The following ARHGAP22 variants were observed in gnomAD, a reference collection of about 807,000 sequenced individuals.
ARHGAP22 encodes rho GTPase-activating protein 22.
ARHGAP22 carries 48 observed loss-of-function variants against 59.1 expected under a neutral mutation model. That is an observed-to-expected ratio of 0.81 (90% CI 0.64 to 1.03). The LOEUF (loss-of-function observed/expected upper bound fraction) is 1.03, where lower values mean the gene tolerates loss of function less well. ARHGAP22 is among the 50% of genes least tolerant of loss of function. The probability of loss-of-function intolerance (pLI) is 0.00; values close to 1 mark genes in which losing one functional copy is unlikely to be tolerated. For missense variants in ARHGAP22, 1,015 were observed against 958.7 expected, an observed-to-expected ratio of 1.06 and a Z score of -0.78; for synonymous variants, 445 against 416.4, an observed-to-expected ratio of 1.07 and a Z score of -0.84.
intron 3 of ARHGAP22, among the ~76,000 whole-genome samples, chr10:48,498,433 G>A (rs756277242): frequency 3.3e-5 from 5 of 152,082 alleles, no homozygotes; most frequent in Admixed American, 6.5e-5. Context: ...CCCAAGCCAG[G>A]AGCCAGTGAA....
chr10:48,474,994 C>G (rs2048577290), intron 4 of ARHGAP22, among the ~76,000 whole-genome samples: 1 of 151,954 alleles, frequency 6.6e-6, no homozygotes. Flanking sequence ...TCCTCTTTAC[C>G]TCACCTCCTC....
At chr10:48,545,772 A>T (rs573117121) in intron 3 of ARHGAP22, among the ~76,000 whole-genome samples, 7 of 152,362 alleles carry the variant, frequency 4.6e-5, no homozygotes, top group African/African-American at 1.7e-4. Flanking sequence ...GGATAAGGCC[A>T]GGCAGCTACA....
chr10:48,513,221 C>A (rs1363469522), intron 3 of ARHGAP22, among the ~76,000 whole-genome samples: 2 of 152,168 alleles, frequency 1.3e-5, no homozygotes, highest in Admixed American at 1.3e-4. Context: ...CCAATTGGGG[C>A]AAACAAGAGC....
At chr10:48,576,838 TTGTC>T (rs2058740559) in intron 2 of ARHGAP22, among the ~76,000 whole-genome samples, 2 of 152,318 alleles carry the variant, frequency 1.3e-5, no homozygotes, top group South Asian at 2.1e-4. Context: ...ATTTTAGTCA[TTGTC>T]TGTGGAATTC....
chr10:48,554,346 A>AGG (rs2057136301), intron 3 of ARHGAP22, among the ~76,000 whole-genome samples: 1 of 152,156 alleles, frequency 6.6e-6, no homozygotes, highest in Non-Finnish European at 1.5e-5. Context: ...GACAGCCAAT[A>AGG]GATCATTTCT....
At chr10:48,596,855 C>A (rs1234295360) in intron 1 of ARHGAP22, among the ~76,000 whole-genome samples, 1 of 152,122 alleles carries the variant, frequency 6.6e-6, no homozygotes, top group African/African-American at 2.4e-5. Flanking sequence ...ATGTGGAGGG[C>A]CTCTGTGAGC....
chr10:48,651,540 C>G (rs116441275), intron 1 of ARHGAP22, among the ~76,000 whole-genome samples: 1,533 of 151,672 alleles, frequency 0.01, 32 homozygotes, highest in African/African-American at 0.036. Context: ...GCATAGTCTA[C>G]CCAGCCAGCA....
At chr10:48,435,052 G>A in the ARHGAP22 span, 8 of 1,412,446 alleles carry the variant, frequency 5.7e-6, no homozygotes, top group Admixed American at 2.0e-5. Flanking sequence ...TCGGGGGGTG[G>A]GAGGGATGGG....
intron 1 of ARHGAP22, among the ~76,000 whole-genome samples, chr10:48,585,345 G>C (rs1009660551): frequency 6.6e-6 from 1 of 152,120 alleles, no homozygotes; most frequent in Non-Finnish European, 1.5e-5. Flanking sequence ...AGAGCTCCGG[G>C]CCTTCACGGC....
intron 2 of ARHGAP22, among the ~76,000 whole-genome samples, chr10:48,580,543 G>A (rs2135595178): frequency 6.6e-6 from 1 of 152,302 alleles, no homozygotes; most frequent in Non-Finnish European, 1.5e-5. Context: ...GGTACAGGAG[G>A]AGGGTGACAG....
chr10:48,635,796 C>T (rs2061793533), intron 1 of ARHGAP22, among the ~76,000 whole-genome samples: 1 of 152,222 alleles, frequency 6.6e-6, no homozygotes, highest in African/African-American at 2.4e-5. Context: ...CACCCAAGCC[C>T]TTGTCTTAGG....
chr10:48,493,710 G>A (rs2050643680), intron 3 of ARHGAP22: 3 of 1,318,428 alleles, frequency 2.3e-6, no homozygotes, highest in Middle Eastern at 2.7e-4. Context: ...TCTGGGGCGG[G>A]GCAAGAAGGA....
At chr10:48,587,289 G>A (rs560619857) in intron 1 of ARHGAP22, among the ~76,000 whole-genome samples, 53 of 152,366 alleles carry the variant, frequency 3.5e-4, no homozygotes, top group Non-Finnish European at 7.1e-4. Context: ...CAGGCCCTGG[G>A]AGGTGGAGCT....
At chr10:48,655,015 TTTC>T (rs2062731019), upstream of ARHGAP22, among the ~76,000 whole-genome samples, 1 of 65,754 alleles carries the variant, frequency 1.5e-5, no homozygotes, top group Non-Finnish European at 3.2e-5. Flanking sequence ...TTTCTCTTTC[TTTC>T]TTTCTTTCTT....
At chr10:48,536,440 G>C (rs1354620116) in intron 3 of ARHGAP22, among the ~76,000 whole-genome samples, 1 of 152,162 alleles carries the variant, frequency 6.6e-6, no homozygotes, top group African/African-American at 2.4e-5. Flanking sequence ...GCCTCAGATG[G>C]CCAGGTCAGA....
At chr10:48,630,036 C>T (rs2061576134) in intron 1 of ARHGAP22, among the ~76,000 whole-genome samples, 1 of 152,134 alleles carries the variant, frequency 6.6e-6, no homozygotes, top group Non-Finnish European at 1.5e-5. Context: ...CAAAAAATAG[C>T]TTGCTAGGAG....
intron 1 of ARHGAP22, among the ~76,000 whole-genome samples, chr10:48,589,243 A>C (rs1404177735): frequency 6.6e-6 from 1 of 152,006 alleles, no homozygotes; most frequent in Non-Finnish European, 1.5e-5. Context: ...AGACACTATT[A>C]ATCACCCTCT....
intron 4 of ARHGAP22, among the ~76,000 whole-genome samples, chr10:48,471,353 C>T (rs990160057): frequency 2.2e-4 from 34 of 152,242 alleles, no homozygotes; most frequent in African/African-American, 7.7e-4. Flanking sequence ...CTGCCTTCTG[C>T]GCTGCCACTG....
intron 3 of ARHGAP22, among the ~76,000 whole-genome samples, chr10:48,520,760 T>C (rs940927357): frequency 1.3e-5 from 2 of 151,978 alleles, no homozygotes; most frequent in East Asian, 3.9e-4. Context: ...AAGGAAGAGC[T>C]GCTGCTGCTG....
Sources: gnomAD v4.1 joint callset for allele counts (sites outside exome capture counted in the v4.1 genomes callset) on GRCh38, gnomAD v4.1.1 for gene constraint, MANE v1.5 for transcripts, NCBI Gene and HGNC (gene_info 2026-07-23, HGNC 2026-07-21) for gene names.